CFAP47: variants seen among roughly 807,000 people sequenced by gnomAD.
CFAP47 encodes cilia and flagella associated protein 47.
CFAP47 carries 29 observed loss-of-function variants against 148.1 expected under a neutral mutation model. That is an observed-to-expected ratio of 0.20 (90% confidence interval 0.15 to 0.27). The LOEUF (loss-of-function observed/expected upper bound fraction) is 0.27. CFAP47 is among the 10% of genes least tolerant of loss of function. The pLI, the probability that CFAP47 is intolerant of heterozygous loss-of-function variation, is 1.00. For synonymous variants in CFAP47, 664 were observed against 577.3 expected (o/e 1.15, Z -2.15); for missense variants, 1,872 against 1,697.5 (o/e 1.10, Z -1.81).
At chrX:35,974,873 T>C (rs1262999192) in intron 13 of CFAP47, among the ~76,000 whole-genome samples, 1 of 110,973 alleles carries the variant, frequency 9.0e-6, no homozygotes, top group Non-Finnish European at 1.9e-5. Context: ...GGTGCTAAGA[T>C]AAGTTGTAGT....
intron 46 of CFAP47, among the ~76,000 whole-genome samples, chrX:36,235,448 C>T (rs896386208): frequency 1.1e-4 from 12 of 112,331 alleles, no homozygotes; most frequent in South Asian, 3.7e-4. Context: ...TCTCCTGGTG[C>T]GCCATTTTTT....
chrX:36,104,915 G>A (rs1054871265), intron 33 of CFAP47, among the ~76,000 whole-genome samples: 4 of 111,889 alleles, frequency 3.6e-5, no homozygotes, highest in African/African-American at 1.3e-4. Context: ...TTATTTTGAA[G>A]AATAACTGAT....
chrX:36,282,654 C>T (rs1344068530), intron 50 of CFAP47, among the ~76,000 whole-genome samples: 1 of 111,466 alleles, frequency 9.0e-6, no homozygotes, highest in Non-Finnish European at 1.9e-5. Context: ...GCTTTCCTCT[C>T]ATCAAAGAAA....
At chrX:36,176,959 A>T (rs934976008) in intron 39 of CFAP47, among the ~76,000 whole-genome samples, 3 of 112,272 alleles carry the variant, frequency 2.7e-5, no homozygotes, top group African/African-American at 6.5e-5. Context: ...AAAGCATCTT[A>T]AGAACTTGTT....
chrX:36,101,363 A>C (rs1258963500), intron 32 of CFAP47, among the ~76,000 whole-genome samples: 2 of 112,295 alleles, frequency 1.8e-5, no homozygotes, highest in Non-Finnish European at 3.8e-5. Context: ...CATAGCTTCC[A>C]GTGTCCCACT....
chrX:36,053,789 C>CCAGTTATTCATACAA (rs1304543858), intron 26 of CFAP47, among the ~76,000 whole-genome samples: 1 of 112,093 alleles, frequency 8.9e-6, no homozygotes, highest in Non-Finnish European at 1.9e-5. Context: ...AGTTATTCAT[C>CCAGTTATTCATACAA]GTTTACTTGT....
chrX:35,991,988 G>T, intron 17 of CFAP47, 45 bp downstream of exon 17: 1 of 288,726 alleles, frequency 3.5e-6, no homozygotes, highest in South Asian at 2.1e-4. Flanking sequence ...CAGATGACAT[G>T]GTCATAATGC....
In CFAP47 at chrX:36,246,310, A is replaced by T. The variant is rs1940614101; in HGVS notation, c.7333-5023A>T. Reference sequence around the variant, plus strand: ...AAATGTCCAACAAACATATGAAAAAATGCTCATCATCACTAATCATCAGAG... The same window carrying T: ...AAATGTCCAACAAACATATGAAAAATTGCTCATCATCACTAATCATCAGAG... On this transcript the variant is annotated intron_variant, in intron 48 of 63. Transcript: ENST00000378653. 2.7e-5 allele frequency among the ~76,000 whole-genome samples: 3 copies of T among 112,023 alleles called. No homozygotes were observed. The South Asian group carries it at 1.1e-3, about 41-fold the overall frequency.
intron 48 of CFAP47, among the ~76,000 whole-genome samples, chrX:36,246,552 G>A (rs5973623): frequency 0.21 from 23,099 of 110,925 alleles, 4,197 homozygotes; most frequent in African/African-American, 0.6. Flanking sequence ...CCAGATGCTT[G>A]TAAAACCATA....
In CFAP47 at chrX:36,248,496, T is replaced by TCACACACACACACACACA. The variant is rs60595897; in HGVS notation, c.7333-2826_7333-2809dup. Among the ~76,000 whole-genome samples, 459 of 95,435 alleles carry TCACACACACACACACACA rather than the reference T, an allele frequency of 4.8e-3. 3 individuals carry two copies. The highest frequency in any genetic ancestry group is 0.017 in the African/African-American group (429 of 25,570). The allele number at this position is 95,435 out of a possible 115,157, so 82.9% of individuals were successfully genotyped here. A position where few individuals can be genotyped will look rare whatever the true frequency, so the allele number is the denominator to read the frequency against. On this transcript the variant is annotated intron_variant, in intron 48 of 63. Transcript: ENST00000378653. ...TATTTTAAAAATATCACATATTATA[T>TCACACACACACACACACA]CACACACACACACACACACACACAC...
At chrX:36,077,171 C>T (rs1937875371) in intron 29 of CFAP47, among the ~76,000 whole-genome samples, 1 of 72,820 alleles carries the variant, frequency 1.4e-5, no homozygotes, top group Non-Finnish European at 2.4e-5. Flanking sequence ...TCAGGTAATA[C>T]AGCGCCTCCA....
chrX:36,021,621 A>G (rs928899302), intron 22 of CFAP47, among the ~76,000 whole-genome samples: 2 of 110,722 alleles, frequency 1.8e-5, no homozygotes, highest in Non-Finnish European at 3.8e-5. Context: ...TCTAGGTTTT[A>G]AGCCCCAAAT....
At chrX:36,195,865 A>T (rs1383735833) in intron 42 of CFAP47, among the ~76,000 whole-genome samples, 1 of 111,843 alleles carries the variant, frequency 8.9e-6, no homozygotes, top group Non-Finnish European at 1.9e-5. Flanking sequence ...GGAAAGAGAG[A>T]CTGTAGATTT....
chrX:36,157,570 A>G (rs1939383171), intron 37 of CFAP47, among the ~76,000 whole-genome samples: 1 of 111,021 alleles, frequency 9.0e-6, no homozygotes, highest in Non-Finnish European at 1.9e-5. Flanking sequence ...CACACTCCCC[A>G]TTGTATGCTC....
At chrX:36,119,591 T>C (rs755114165) in intron 33 of CFAP47, among the ~76,000 whole-genome samples, 5 of 111,740 alleles carry the variant, frequency 4.5e-5, no homozygotes, top group African/African-American at 1.6e-4. Flanking sequence ...AGTTTGGAAT[T>C]ATTCCATCCT....
At chrX:36,275,842 G>GT (rs1219692445) in intron 49 of CFAP47, among the ~76,000 whole-genome samples, 2 of 110,753 alleles carry the variant, frequency 1.8e-5, no homozygotes, top group Middle Eastern at 4.7e-3. Context: ...TTGTTGGAAG[G>GT]TTTTTTATTA....
chrX:36,113,478 C>A (rs1348456345), intron 33 of CFAP47, among the ~76,000 whole-genome samples: 1 of 111,537 alleles, frequency 9.0e-6, no homozygotes, highest in Non-Finnish European at 1.9e-5. Context: ...ATGGGCTTCC[C>A]TTTGTAGGTG....
intron 2 of CFAP47, 56 bp downstream of exon 2, chrX:35,926,224 AG>A: frequency 1.0e-6 from 1 of 953,172 alleles, no homozygotes; most frequent in Non-Finnish European, 1.4e-6. Flanking sequence ...AATAAAAATG[AG>A]GGTCAAAGTA....
chrX:36,119,633 G>A (rs1363319809), intron 33 of CFAP47, among the ~76,000 whole-genome samples: 1 of 111,402 alleles, frequency 9.0e-6, no homozygotes, highest in Admixed American at 9.6e-5. Context: ...TAAATAAGAT[G>A]GATATTAGTT....
Sources: allele counts gnomAD v4.1 joint callset (sites outside exome capture counted in the v4.1 genomes callset), GRCh38; gene constraint gnomAD v4.1.1; transcripts MANE v1.5; gene names NCBI Gene and HGNC (gene_info 2026-07-23, HGNC 2026-07-21).